KANK1: variants seen among roughly 807,000 people sequenced by gnomAD.
The protein encoded by KANK1 is KN motif and ankyrin repeat domains 1.
A neutral mutation model predicts 106.2 loss-of-function variants in KANK1; 109 were observed. The observed-to-expected ratio is 1.03, with a 90% CI of 0.88 to 1.20. The LOEUF (loss-of-function observed/expected upper bound fraction) is 1.20. KANK1 is among the 50% of genes most tolerant of loss of function. KANK1 has a pLI of 0.00. For missense variants in KANK1, 2,399 were observed against 1,710.7 expected (o/e 1.40, Z -7.10); for synonymous variants, 873 against 652.2 (o/e 1.34, Z -5.16).
intron 1 of KANK1, among the ~76,000 whole-genome samples, chr9:554,870 A>G (rs994993669): frequency 6.6e-6 from 1 of 152,236 alleles, no homozygotes; most frequent in African/African-American, 2.4e-5. Flanking sequence ...CTTTCGTGGC[A>G]AGGTTATCTT....
chr9:589,822 C>A (rs969359377), intron 1 of KANK1, among the ~76,000 whole-genome samples: 1 of 152,134 alleles, frequency 6.6e-6, no homozygotes, highest in Non-Finnish European at 1.5e-5. Context: ...TTTAGAGTAT[C>A]TGTGTGGGAA....
chr9:570,206 T>C (rs576826662), intron 1 of KANK1, among the ~76,000 whole-genome samples: 4 of 152,328 alleles, frequency 2.6e-5, no homozygotes, highest in South Asian at 4.1e-4. Flanking sequence ...GTGTGTACAT[T>C]TGGGGACAAA....
chr9:485,820 A>C (rs2058282898), intron 3 of KANK1, among the ~76,000 whole-genome samples: 1 of 151,530 alleles, frequency 6.6e-6, no homozygotes, highest in Non-Finnish European at 1.5e-5. Context: ...GCAGTGAGCC[A>C]AGATCGTGTC....
chr9:631,694 A>G (rs987143342), intron 1 of KANK1, among the ~76,000 whole-genome samples: 24 of 152,214 alleles, frequency 1.6e-4, no homozygotes, highest in Admixed American at 7.9e-4. Flanking sequence ...CCAACTGTTT[A>G]GCTTGGCATG....
chr9:744,730 C>G (rs759546528), intron 11 of KANK1, 141 bp downstream of exon 11: 1 of 1,543,264 alleles, frequency 6.5e-7, no homozygotes, highest in African/African-American at 1.4e-5. Context: ...AAGAGTTCAT[C>G]CTTTCCGCCT....
chr9:711,248 C>T lies in KANK1; in HGVS notation c.482C>T (p.Thr161Ile). 1 of 1,614,102 alleles carries T rather than the reference C, an allele frequency of 6.2e-7. No individual in the cohort carries two copies. Among genetic ancestry groups the T allele is most frequent in the Non-Finnish European group, 8.5e-7 (1 of 1,180,022 alleles). The change falls in exon 3 of 12, where the codon ACC (threonine) becomes ATC (isoleucine). Residue 161 changes from threonine (T) to isoleucine (I), a missense_variant. Physicochemically the swap from Thr to Ile is moderately conservative, Grantham distance 89. Coordinates refer to ENST00000382297, the MANE Select transcript of KANK1 (RefSeq NM_015158.5). ...NLHVTKTLME[T>I]RRRLEQERAT... ...CATGTCACCAAGACACTGATGGAGA[C>T]CCGGAGAAGACTGGAACAGGAGAGA...
At chr9:636,198 G>A (rs1161701624) in intron 1 of KANK1, among the ~76,000 whole-genome samples, 1 of 152,084 alleles carries the variant, frequency 6.6e-6, no homozygotes, top group Non-Finnish European at 1.5e-5. Context: ...AAGTTCTCAG[G>A]GATTCTAGTG....
At chr9:587,531 C>T (rs767076454) in intron 1 of KANK1, among the ~76,000 whole-genome samples, 112 of 152,082 alleles carry the variant, frequency 7.4e-4, no homozygotes, top group Non-Finnish European at 1.0e-3. Flanking sequence ...GAGTTTAAAT[C>T]AAAATCTGTT....
chr9:517,431 G>C (rs996834025), intron 1 of KANK1, among the ~76,000 whole-genome samples: 1 of 150,928 alleles, frequency 6.6e-6, no homozygotes, highest in Non-Finnish European at 1.5e-5. Context: ...GGACGGTTTC[G>C]ATTAGTTTTT....
chr9:709,610 CTTTTTTTTT>C (rs60899850), intron 2 of KANK1, among the ~76,000 whole-genome samples: 1 of 137,028 alleles, frequency 7.3e-6, no homozygotes, highest in Non-Finnish European at 1.6e-5. Flanking sequence ...GCTTTCATGT[CTTTTTTTTT>C]TTTTTTTTTA....
Position 548,397 on chromosome 9 carries a change from G to A in KANK1, c.-84+43643G>A, listed in dbSNP as rs113324843. On this transcript the variant is annotated intron_variant, in intron 1 of 11. Coordinates refer to ENST00000382297, the MANE Select transcript of KANK1 (RefSeq NM_015158.5). ...TTGGGGGGTTCCTGAGCTTTTTATT[G>A]TTGTACGTGAACTTGGTACTTACTT... Among the ~76,000 whole-genome samples, 1,035 of 152,272 alleles carry A rather than the reference G, an allele frequency of 6.8e-3. 15 individuals are homozygous for A. The highest frequency in any genetic ancestry group is 0.023 in the African/African-American group (944 of 41,558).
chr9:732,750 G>A lies in KANK1; in HGVS notation c.3245+133G>A, dbSNP rs192037627. 1.3e-4 allele frequency: 123 copies of A among 959,680 alleles called. No homozygotes were observed. The East Asian group carries it at 3.0e-3, about 23-fold the overall frequency. The allele number at this position is 959,680 out of a possible 1,614,324, so 59.4% of individuals were successfully genotyped here. A position where few individuals can be genotyped will look rare whatever the true frequency, so the allele number is the denominator to read the frequency against. On this transcript the variant is annotated intron_variant, in intron 6 of 11. Transcript: ENST00000382297. Reference sequence around the variant, plus strand: ...TTCCTCAGAGGTATACACATCTTGAGATACTAATATATACAAGTGCAGAGT... The same window carrying A: ...TTCCTCAGAGGTATACACATCTTGAAATACTAATATATACAAGTGCAGAGT...
intron 1 of KANK1, among the ~76,000 whole-genome samples, chr9:557,082 C>A (rs979808759): frequency 6.6e-6 from 1 of 151,494 alleles, no homozygotes; most frequent in Non-Finnish European, 1.5e-5. Flanking sequence ...CTTTGAGAGG[C>A]CAAGGCAGGA....
chr9:717,211 A>T (rs1827961110), intron 3 of KANK1, among the ~76,000 whole-genome samples: 1 of 151,702 alleles, frequency 6.6e-6, no homozygotes, highest in African/African-American at 2.4e-5. Context: ...CCGGCGCCCT[A>T]GAGGTGGAGG....
At chr9:632,399 T>TA (rs1835955774) in intron 1 of KANK1, among the ~76,000 whole-genome samples, 1 of 152,212 alleles carries the variant, frequency 6.6e-6, no homozygotes, top group Admixed American at 6.5e-5. Flanking sequence ...TTGTTAATCT[T>TA]AAAATGAAAG....
At position 738,475 on chromosome 9, in the gene KANK1, T is replaced by A; in HGVS notation, c.3524T>A (p.Phe1175Tyr). Reference sequence around the variant, plus strand: ...CATTACAGCGTGTCCCACTCCAACTTCGAGATTGTGAAGCTGCTGTTAGAT... The same window carrying A: ...CATTACAGCGTGTCCCACTCCAACTACGAGATTGTGAAGCTGCTGTTAGAT... Reference protein sequence around the residue: ...ALHYSVSHSNFEIVKLLLDAD... With the variant: ...ALHYSVSHSNYEIVKLLLDAD... Residue 1175 changes from phenylalanine (F) to tyrosine (Y), a missense_variant, in exon 8 of 12, where the codon TTC becomes TAC. Transcript: ENST00000382297. 2 of 1,614,126 alleles carry A rather than the reference T, an allele frequency of 1.2e-6. No individual in the cohort carries two copies. The highest frequency in any genetic ancestry group is 1.6e-4 in the Middle Eastern group (1 of 6,062).
In KANK1 at chr9:565,932, G is replaced by A. The variant is rs115609202; in HGVS notation, c.-84+61178G>A. Among the ~76,000 whole-genome samples, 654 of 152,228 alleles carry A rather than the reference G, an allele frequency of 4.3e-3. 13 individuals are homozygous for A. The highest frequency in any genetic ancestry group is 0.015 in the African/African-American group (640 of 41,538). On this transcript the variant is annotated intron_variant, in intron 1 of 11. Transcript: ENST00000382297. ...TTAATATGGGTAAACTCGTGTCATGGGGGTTTGTTGTACAGATTGTTTCAT... is the reference window on the plus strand; with the variant it reads ...TTAATATGGGTAAACTCGTGTCATGAGGGTTTGTTGTACAGATTGTTTCAT...
chr9:606,185 C>T (rs893136534), intron 1 of KANK1, among the ~76,000 whole-genome samples: 2 of 148,690 alleles, frequency 1.3e-5, no homozygotes, highest in South Asian at 4.2e-4. Flanking sequence ...ACACACACCA[C>T]TCACACATAT....
chr9:739,644 A>G (rs913621547), intron 8 of KANK1, among the ~76,000 whole-genome samples: 8 of 152,238 alleles, frequency 5.3e-5, no homozygotes, highest in Non-Finnish European at 1.2e-4. Context: ...GAAGCTGAAA[A>G]CAAGATTTCA....
Sources: allele counts gnomAD v4.1 joint callset (sites outside exome capture counted in the v4.1 genomes callset), GRCh38; gene constraint gnomAD v4.1.1; transcripts MANE v1.5; gene names NCBI Gene and HGNC (gene_info 2026-07-23, HGNC 2026-07-21).